B3GALNT2: variants seen among roughly 807,000 people sequenced by gnomAD.
B3GALNT2 encodes the protein beta-1,3-N-acetylgalactosaminyltransferase 2.
A neutral mutation model predicts 61.1 loss-of-function variants in B3GALNT2; 53 were observed. That is an observed-to-expected ratio of 0.87 (90% CI 0.70 to 1.09). The LOEUF is 1.09. Ranked by LOEUF, B3GALNT2 falls within the 50% of genes least tolerant of loss-of-function variation. B3GALNT2 has a pLI of 0.00. For missense variants in B3GALNT2, 544 were observed against 623.0 expected (o/e 0.87, Z 1.35); for synonymous variants, 223 against 237.4 (o/e 0.94, Z 0.56).
intron 5 of B3GALNT2, among the ~76,000 whole-genome samples, chr1:235,478,225 G>C (rs569735837): frequency 7.9e-5 from 12 of 152,066 alleles, no homozygotes; most frequent in Middle Eastern, 3.2e-3. Flanking sequence ...GCTAATTTTT[G>C]TATTTTTAGT....
chr1:235,451,517 T>A (rs1682900478), intron 11 of B3GALNT2: 1 of 137,538 alleles, frequency 7.3e-6, no homozygotes. Context: ...ACAAGCGCCA[T>A]GAACAACAGT....
At chr1:235,472,296 C>G (rs983608910) in intron 5 of B3GALNT2, among the ~76,000 whole-genome samples, 43 of 152,192 alleles carry the variant, frequency 2.8e-4, no homozygotes, top group African/African-American at 9.6e-4. Flanking sequence ...GCTATGCCCC[C>G]CTGTCCCAAG....
intron 9 of B3GALNT2, among the ~76,000 whole-genome samples, chr1:235,454,587 C>T (rs1218013757): frequency 1.3e-5 from 2 of 151,922 alleles, no homozygotes; most frequent in East Asian, 1.9e-4. Context: ...TACAGGCGCA[C>T]ACCATCATGA....
At chr1:235,471,037 T>G in intron 5 of B3GALNT2, 77 bp from the exon 6 acceptor site, 3 of 1,558,100 alleles carry the variant, frequency 1.9e-6, no homozygotes, top group Non-Finnish European at 2.6e-6. Flanking sequence ...TCAGGCAAGA[T>G]TTTTAGAGAA....
At chr1:235,439,994 G>A in the B3GALNT2 span, among the ~76,000 whole-genome samples, 1 of 150,480 alleles carries the variant, frequency 6.6e-6, no homozygotes, top group South Asian at 2.1e-4. Context: ...TTTTTGAGAC[G>A]GAGCCTCGCT....
At chr1:235,459,345 A>G (rs1360074434) in intron 7 of B3GALNT2, among the ~76,000 whole-genome samples, 5 of 152,248 alleles carry the variant, frequency 3.3e-5, no homozygotes, top group African/African-American at 9.6e-5. Flanking sequence ...AGACATGGTC[A>G]GGCGTGGTGG....
At chr1:235,472,524 CTTATTTTATTTTA>C (rs1346498098) in intron 5 of B3GALNT2, among the ~76,000 whole-genome samples, 5 of 152,122 alleles carry the variant, frequency 3.3e-5, no homozygotes, top group Non-Finnish European at 7.4e-5. Context: ...TCTGATATTT[CTTATTTTATTTTA>C]TTATTAAACT....
chr1:235,503,623 C>T (rs960148562), intron 1 of B3GALNT2, among the ~76,000 whole-genome samples: 1 of 152,218 alleles, frequency 6.6e-6, no homozygotes, highest in African/African-American at 2.4e-5. Flanking sequence ...ATACGAACTA[C>T]AGTATATTCT....
downstream of B3GALNT2, among the ~76,000 whole-genome samples, chr1:235,445,021 T>C (rs1439249143): frequency 2.0e-5 from 3 of 152,250 alleles, no homozygotes; most frequent in African/African-American, 4.8e-5. Context: ...GAGATTCAGT[T>C]AGCCATTTTG....
At chr1:235,456,950 C>G (rs1406932931) in intron 8 of B3GALNT2, among the ~76,000 whole-genome samples, 1 of 151,950 alleles carries the variant, frequency 6.6e-6, no homozygotes, top group African/African-American at 2.4e-5. Context: ...TTCGACACAC[C>G]CAGATTTCCA....
rs769918946 is a variant in B3GALNT2 at position 235,448,687 on chromosome 1, C to G, written c.*1519G>C. On this transcript the variant is annotated 3_prime_UTR_variant, in exon 12 of 12. Transcript: ENST00000366600. ...AATTTTAGAAGCCGGGCAGAGAAATCGAGCTGGAAAATGACCTAAAGTCAT... is the reference window on the plus strand; with the variant it reads ...AATTTTAGAAGCCGGGCAGAGAAATGGAGCTGGAAAATGACCTAAAGTCAT... 6 of 1,613,902 alleles carry G rather than the reference C, an allele frequency of 3.7e-6. No homozygotes were observed. The highest frequency in any genetic ancestry group is 4.2e-6 in the Non-Finnish European group (5 of 1,179,888).
chr1:235,480,213 T>C, intron 4 of B3GALNT2, 64 bp from the exon 5 acceptor site: 2 of 1,584,986 alleles, frequency 1.3e-6, no homozygotes, highest in Admixed American at 3.6e-5. Flanking sequence ...ATGCAAAAAG[T>C]TTTCAAACAC....
At chr1:235,440,399 TA>T in the B3GALNT2 span, among the ~76,000 whole-genome samples, 1 of 152,120 alleles carries the variant, frequency 6.6e-6, no homozygotes, top group East Asian at 1.9e-4. Flanking sequence ...CGTATATATA[TA>T]TATTTTTTTG....
At chr1:235,494,607 C>A in intron 2 of B3GALNT2, 74 bp downstream of exon 2, 1 of 1,487,436 alleles carries the variant, frequency 6.7e-7, no homozygotes, top group Non-Finnish European at 9.2e-7. Flanking sequence ...CGGGCACACA[C>A]CACCACGCCT....
In B3GALNT2 at chr1:235,504,393, G is replaced by C. The variant is rs888068131; in HGVS notation, c.-141C>G. 5 of 851,742 alleles carry C rather than the reference G, an allele frequency of 5.9e-6. No homozygotes were observed. Among genetic ancestry groups the C allele is most frequent in the East Asian group, 3.6e-5 (1 of 27,554 alleles). 52.8% of individuals were successfully genotyped at this position (851,742 alleles called of 1,614,324 possible). ...CCTCGCGCTCGGCGACGTCTGGGGG[G>C]CTCCTCGCAGCTCCCGGCCCCGCTC... On this transcript the variant is annotated 5_prime_UTR_variant, in exon 1 of 12. Transcript: ENST00000366600.
At chr1:235,459,547 C>T (rs1268781504) in intron 7 of B3GALNT2, among the ~76,000 whole-genome samples, 2 of 152,066 alleles carry the variant, frequency 1.3e-5, no homozygotes, top group African/African-American at 2.4e-5. Context: ...CCCTGGAGCC[C>T]AGGAGTTCAA....
intron 6 of B3GALNT2, among the ~76,000 whole-genome samples, chr1:235,468,253 C>T (rs112515743): frequency 0.016 from 2,487 of 152,256 alleles, 21 homozygotes; most frequent in Middle Eastern, 0.037. Context: ...CTCAGCTGTA[C>T]GCATTTGTGA....
intron 7 of B3GALNT2, among the ~76,000 whole-genome samples, chr1:235,460,711 C>G (rs577583373): frequency 2.4e-4 from 36 of 151,722 alleles, no homozygotes; most frequent in Non-Finnish European, 1.0e-4. Flanking sequence ...GTAGCTGGTA[C>G]TCCCGGCACC....
chr1:235,501,055 T>C (rs1182155726), intron 1 of B3GALNT2, among the ~76,000 whole-genome samples: 2 of 152,374 alleles, frequency 1.3e-5, no homozygotes, highest in East Asian at 1.9e-4. Flanking sequence ...GTTGAGTGAA[T>C]ATGCTCCTTT....
Sources: gnomAD v4.1 joint callset for allele counts (sites outside exome capture counted in the v4.1 genomes callset) on GRCh38, gnomAD v4.1.1 for gene constraint, MANE v1.5 for transcripts, NCBI Gene and HGNC (gene_info 2026-07-23, HGNC 2026-07-21) for gene names.